The following LRP4 variants were observed in gnomAD, a reference collection of about 807,000 sequenced individuals.
LRP4 encodes LDL receptor related protein 4.
LRP4 carries 95 observed loss-of-function variants against 220.3 expected under a neutral mutation model. That is an observed-to-expected ratio of 0.43 (90% CI 0.37 to 0.51). The LOEUF is 0.51. Among genes scored for constraint, LRP4 ranks in the 20% least tolerant of loss-of-function variants. The pLI is 0.00. For synonymous variants in LRP4, 903 were observed against 954.6 expected (o/e 0.95, Z 1.00); for missense variants, 1,925 against 2,567.0 (o/e 0.75, Z 5.40).
At chr11:46,915,379 T>C (rs887645420) in intron 1 of LRP4, among the ~76,000 whole-genome samples, 8 of 152,212 alleles carry the variant, frequency 5.3e-5, no homozygotes, top group African/African-American at 1.9e-4. Context: ...ATGGTTGTCA[T>C]CCATGCCCTT....
At chr11:46,917,423 G>A (rs1423392222) in intron 1 of LRP4, among the ~76,000 whole-genome samples, 1 of 152,148 alleles carries the variant, frequency 6.6e-6, no homozygotes, top group Non-Finnish European at 1.5e-5. Context: ...ACCCAGGGTC[G>A]TTAAGAGCCC....
At position 46,873,178 on chromosome 11, in the gene LRP4, T is replaced by G. The variant is rs200506943; in HGVS notation, c.4505A>C (p.Asp1502Ala). Residue 1502 changes from aspartate to alanine, a missense_variant, in exon 30 of 38, where the codon GAT (aspartate) becomes GCT (alanine). Asp to Ala is a moderately radical substitution (Grantham distance 126). Around this residue, in one of 3 missense-constraint regions of LRP4, gnomAD observed 1,244 missense variants for 1,624.9 expected, o/e 0.77. Transcript: ENST00000378623. The surrounding 1 kb of genome is among the most constrained non-coding windows in gnomAD (Gnocchi z 4.2). ...GATGAGGACCTTCCGCTCAGAACCA[T>G]CCAAGTTTGCCCGTTCGATCTTGGC... ...HIAKIERANL[D>A]GSERKVLINT... is the part of the protein sequence containing the mutation. 13 of 1,614,152 alleles carry G rather than the reference T, an allele frequency of 8.1e-6. No homozygotes were observed. The East Asian group carries it at 2.9e-4, about 36-fold the overall frequency.
chr11:46,911,805 T>C (rs1264261033), intron 1 of LRP4, among the ~76,000 whole-genome samples: 1 of 150,624 alleles, frequency 6.6e-6, no homozygotes, highest in East Asian at 1.9e-4. Context: ...AGGAAACTGC[T>C]CTGAGCCTGT....
At chr11:46,876,337 G>T in intron 25 of LRP4, 129 bp downstream of exon 25, 1 of 1,022,468 alleles carries the variant, frequency 9.8e-7, no homozygotes. Flanking sequence ...ACAAGAGAGT[G>T]GAAGAGCCCC....
chr11:46,861,770 A>C (rs1940558947), intron 37 of LRP4, among the ~76,000 whole-genome samples: 2 of 151,830 alleles, frequency 1.3e-5, no homozygotes, highest in African/African-American at 4.9e-5. Flanking sequence ...TTAAAAAAAA[A>C]CAAACAAACA....
At position 46,888,456 on chromosome 11, in the gene LRP4, G is replaced by C. The variant is rs1222157081; in HGVS notation, c.2215+955C>G. ...TAATCCCAGCTATTCAGGAAGCTAA[G>C]GCAGGAGAATAGCTTGAACCTGGGA... On this transcript the variant is annotated intron_variant, in intron 16 of 37. Transcript: ENST00000378623. Among the ~76,000 whole-genome samples the C allele has an allele frequency of 2.1e-5, 3 of 143,524 alleles. No homozygotes were observed. The Admixed American group carries it at 2.3e-4, about 11-fold the overall frequency. 94.2% of individuals were successfully genotyped at this position (143,524 alleles called of 152,430 possible).
chr11:46,868,601 A>G lies in LRP4; in HGVS notation c.4950T>C (p.Leu1650=). Residue 1650 remains leucine (L), a splice_region_variant and synonymous_variant, in exon 33 of 38, where the codon CTT becomes CTC. Coordinates refer to ENST00000378623, the MANE Select transcript of LRP4 (RefSeq NM_002334.4). ...CTCCAGCCATACAGTCCAACTCACCAAGGGAGCAGGGCCGGCTATCAGGTT... is the reference window on the plus strand; with the variant it reads ...CTCCAGCCATACAGTCCAACTCACCGAGGGAGCAGGGCCGGCTATCAGGTT... ...PDEPDSRPCS[L]VPGLVPPAPR... 1 of 1,611,488 alleles carries G rather than the reference A, an allele frequency of 6.2e-7. No homozygotes were observed. Among genetic ancestry groups the G allele is most frequent in the Non-Finnish European group, 8.5e-7 (1 of 1,177,566 alleles).
chr11:46,896,753 TG>T, intron 8 of LRP4, 115 bp downstream of exon 8: 1 of 1,514,070 alleles, frequency 6.6e-7, no homozygotes, highest in Non-Finnish European at 9.1e-7. Context: ...ATGATGCACC[TG>T]GATTTTACAC....
At chr11:46,880,558 A>C (rs929595637) in intron 20 of LRP4, among the ~76,000 whole-genome samples, 1 of 152,106 alleles carries the variant, frequency 6.6e-6, no homozygotes, top group Non-Finnish European at 1.5e-5. Flanking sequence ...AGGAGGTCGC[A>C]GTTACAGTGG....
At chr11:46,867,636 T>A (rs1455985329) in intron 34 of LRP4, among the ~76,000 whole-genome samples, 1 of 152,148 alleles carries the variant, frequency 6.6e-6, no homozygotes, top group East Asian at 1.9e-4. Context: ...TAATTTTGTA[T>A]TTTTAGTGGA....
chr11:46,864,648 T>C, intron 35 of LRP4, 113 bp from the exon 36 acceptor site: 1 of 763,130 alleles, frequency 1.3e-6, no homozygotes, highest in South Asian at 1.4e-5. Flanking sequence ...CCCCATACCA[T>C]CTGAGGATGG....
chr11:46,889,424 G>A lies in LRP4; in HGVS notation c.2202C>T (p.His734=), dbSNP rs757999800. 91 of 1,613,940 alleles carry A rather than the reference G, an allele frequency of 5.6e-5. No homozygotes were observed. Among genetic ancestry groups the A allele is most frequent in the Non-Finnish European group, 6.0e-5 (71 of 1,180,034 alleles). ...AGACCCACTTACTCTGGGCACAGGC[G>A]TGGCTGCTGATCTTGCGGAAGCCAG... ...CPTGFRKISS[H]ACAQSLDKFL... The change falls in exon 16 of 38, where the codon CAC becomes CAT. Residue 734 remains histidine, a synonymous_variant. Transcript: ENST00000378623.
chr11:46,863,668 A>G (rs1177698642), intron 36 of LRP4, among the ~76,000 whole-genome samples: 4 of 151,988 alleles, frequency 2.6e-5, no homozygotes, highest in African/African-American at 9.7e-5. Flanking sequence ...CTGAGGCACA[A>G]GAATTGCTTG....
At chr11:46,893,336 A>T (rs1565795187) in intron 12 of LRP4, among the ~76,000 whole-genome samples, 1 of 152,210 alleles carries the variant, frequency 6.6e-6, no homozygotes, top group Non-Finnish European at 1.5e-5. Flanking sequence ...GGCACAAAAG[A>T]GTTAAGTAAC....
chr11:46,912,033 T>C (rs1941868438), intron 1 of LRP4, among the ~76,000 whole-genome samples: 1 of 152,060 alleles, frequency 6.6e-6, no homozygotes, highest in African/African-American at 2.4e-5. Flanking sequence ...TTTGTATTTT[T>C]AGTAGACATG....
chr11:46,913,416 G>A (rs1280802350), intron 1 of LRP4, among the ~76,000 whole-genome samples: 2 of 152,128 alleles, frequency 1.3e-5, no homozygotes, highest in African/African-American at 4.8e-5. Flanking sequence ...AAACAAAAGA[G>A]ACAACAGGGG....
At chr11:46,884,339 C>G (rs1441824532) in intron 18 of LRP4, among the ~76,000 whole-genome samples, 2 of 152,156 alleles carry the variant, frequency 1.3e-5, no homozygotes, top group African/African-American at 4.8e-5. Flanking sequence ...CGTGGTGGCT[C>G]ACGCCTGTAA....
At chr11:46,885,385 AG>A (rs1009437681) in intron 18 of LRP4, among the ~76,000 whole-genome samples, 2 of 152,178 alleles carry the variant, frequency 1.3e-5, no homozygotes, top group African/African-American at 4.8e-5. Flanking sequence ...AGAGGAGGCA[AG>A]GTTGTCATCA....
At chr11:46,889,781 C>T (rs561645919) in intron 15 of LRP4, 163 bp downstream of exon 15, 175 of 866,934 alleles carry the variant, frequency 2.0e-4, no homozygotes, top group Non-Finnish European at 2.6e-4. Flanking sequence ...TGTTGTACTG[C>T]CCCGAATGTC....
Sources: allele counts gnomAD v4.1 joint callset (sites outside exome capture counted in the v4.1 genomes callset), GRCh38; gene constraint gnomAD v4.1.1; regional missense constraint gnomAD v4.1.1; non-coding constraint Gnocchi (gnomAD v3.1); transcripts MANE v1.5; gene names NCBI Gene and HGNC (gene_info 2026-07-23, HGNC 2026-07-21).